The following PCBP4 variants were observed in gnomAD, a reference collection of about 807,000 sequenced individuals.
PCBP4 encodes poly(rC) binding protein 4.
A neutral mutation model predicts 46.2 loss-of-function variants in PCBP4; 24 were observed. The observed-to-expected ratio is 0.52, with a 90% CI of 0.38 to 0.73. The LOEUF is 0.73. Ranked by LOEUF, PCBP4 falls within the 30% of genes least tolerant of loss-of-function variation. PCBP4 has a pLI of 0.00. For synonymous variants in PCBP4, 203 were observed against 224.4 expected, an observed-to-expected ratio of 0.90 and a Z score of 0.85; for missense variants, 407 against 537.0, an observed-to-expected ratio of 0.76 and a Z score of 2.39.
rs1326543778 is a variant in PCBP4 at position 51,960,517 on chromosome 3, G to T, written c.255+9C>A. The T allele has an allele frequency of 3.7e-6, 6 of 1,605,208 alleles. No individual in the cohort carries two copies. The highest frequency in any genetic ancestry group is 5.1e-6 in the Non-Finnish European group (6 of 1,172,034). ...CACTCTTGGCGTCCTGCCCTGGCCA[G>T]CCACGGACCTCATCCAGTTTGAAAG... On this transcript the variant is annotated intron_variant, in intron 6 of 13. Transcript: ENST00000461554. The surrounding 1 kb of genome is among the most constrained non-coding windows in gnomAD (Gnocchi z 5.0).
chr3:51,958,316 C>A lies in PCBP4; in HGVS notation c.957G>T (p.Thr319=). ...GCAGGTCTGCGGGGGCCGAGCTGGG[C>A]GTCCCCCCAGAGGTAGACTTGGCCG... The part of the protein sequence containing the change: ...LETAKSTSGG[T]PSSAPADLPA... The change falls in exon 14 of 14, where the codon ACG becomes ACT. Residue 319 remains threonine, a synonymous_variant. Transcript: ENST00000461554. The surrounding 1 kb of genome is among the most constrained non-coding windows in gnomAD (Gnocchi z 5.4). 1 of 1,524,802 alleles carries A rather than the reference C, an allele frequency of 6.6e-7. No homozygotes were observed. Among genetic ancestry groups the A allele is most frequent in the Admixed American group, 2.2e-5 (1 of 45,414 alleles). 94.5% of individuals were successfully genotyped at this position (1,524,802 alleles called of 1,614,324 possible).
intron 1 of PCBP4, among the ~76,000 whole-genome samples, chr3:51,965,924 G>A (rs1234105085): frequency 6.6e-6 from 1 of 152,196 alleles, no homozygotes; most frequent in Non-Finnish European, 1.5e-5. Flanking sequence ...AGAAGGGCTG[G>A]GGGGTGGGGT....
In PCBP4 at chr3:51,960,570, C is replaced by G. The variant is rs760875971; in HGVS notation, c.211G>C (p.Ala71Pro). The change falls in exon 6 of 14, where the codon GCT becomes CCT. Residue 71 changes from alanine (A) to proline (P), a missense_variant. Ala to Pro is a conservative substitution (Grantham distance 27). Transcript: ENST00000461554. This position sits in a 1 kb window ranked among gnomAD's most constrained non-coding sequence, Gnocchi z 5.0. ...ATCATGGAGACTGCATGGAAGACAGCTGCTGTAGACCCGGTGATGGTGGTG... is the reference window on the plus strand; with the variant it reads ...ATCATGGAGACTGCATGGAAGACAGGTGCTGTAGACCCGGTGATGGTGGTG... Reference protein sequence around the residue: ...RITTITGSTAAVFHAVSMIAF... With the variant: ...RITTITGSTAPVFHAVSMIAF... 6.2e-7 allele frequency: 1 copy of G among 1,614,170 alleles called. No individual in the cohort carries two copies.
Position 51,959,480 on chromosome 3 carries a change from C to G in PCBP4, c.592-69G>C, listed in dbSNP as rs1700032769. The G allele has an allele frequency of 2.6e-6, 4 of 1,535,560 alleles. No homozygotes were observed. The highest frequency in any genetic ancestry group is 3.5e-6 in the Non-Finnish European group (4 of 1,133,778). On this transcript the variant is annotated intron_variant, in intron 9 of 13. Coordinates refer to ENST00000461554, the MANE Select transcript of PCBP4 (RefSeq NM_001174100.2). This position sits in a 1 kb window ranked among gnomAD's most constrained non-coding sequence, Gnocchi z 5.6. ...CAGTTCAGCCAGAGTCACTCCTTCCCCCGTCCCTGGACCTCCAATTCCTTC... is the reference window on the plus strand; with the variant it reads ...CAGTTCAGCCAGAGTCACTCCTTCCGCCGTCCCTGGACCTCCAATTCCTTC...
chr3:51,958,695 G>T lies in PCBP4; in HGVS notation c.923+95C>A. 7.1e-7 allele frequency: 1 copy of T among 1,407,998 alleles called. No individual in the cohort carries two copies. Among genetic ancestry groups the T allele is most frequent in the South Asian group, 1.3e-5 (1 of 76,476 alleles). The allele number at this position is 1,407,998 out of a possible 1,614,324, so 87.2% of individuals were successfully genotyped here. ...GAGAGGCAGAGGTCGGGCCCAGACA[G>T]AGAGAGGAGGCCAGCTTCCTCTCCC... is the stretch of plus-strand genomic sequence containing the variant. On this transcript the variant is annotated intron_variant, in intron 13 of 13. Transcript: ENST00000461554. The surrounding 1 kb of genome is among the most constrained non-coding windows in gnomAD (Gnocchi z 5.4).
Position 51,960,198 on chromosome 3 carries a change from C to A in PCBP4, c.378G>T (p.Glu126Asp). 6.2e-7 allele frequency: 1 copy of A among 1,614,142 alleles called. No individual in the cohort carries two copies. Among genetic ancestry groups the A allele is most frequent in the Non-Finnish European group, 8.5e-7 (1 of 1,180,040 alleles). Residue 126 changes from glutamate to aspartate, a missense_variant, in exon 7 of 14, where the codon GAG becomes GAT. Transcript: ENST00000461554. This position sits in a 1 kb window ranked among gnomAD's most constrained non-coding sequence, Gnocchi z 5.0. ...LIGKAGTKIK[E>D]IRETTGAQVQ... ...ATATCTCGCCCCTCACCTCTCGGAT[C>A]TCCTTGATCTTGGTGCCAGCCTTCC...
rs1475797538 is a variant in PCBP4 at position 51,958,199 on chromosome 3, G to A, written c.1074C>T (p.Ile358=). The part of the protein sequence containing the change: ...TPYAISLSNF[I]GLKPMPFLAL... ...CCAAGAAGGGCATGGGCTTGAGGCC[G>A]ATGAAGTTGGAGAGGGAGATGGCAT... Residue 358 remains isoleucine, a synonymous_variant, in exon 14 of 14, where the codon ATC becomes ATT. Transcript: ENST00000461554. The surrounding 1 kb of genome is among the most constrained non-coding windows in gnomAD (Gnocchi z 5.4). 6.2e-6 allele frequency: 10 copies of A among 1,613,076 alleles called. No homozygotes were observed. Among genetic ancestry groups the A allele is most frequent in the Admixed American group, 5.0e-5 (3 of 59,846 alleles).
intron 1 of PCBP4, chr3:51,963,218 G>C (rs1700263765): frequency 6.6e-6 from 1 of 152,254 alleles, no homozygotes; most frequent in Non-Finnish European, 1.5e-5. Flanking sequence ...AGGAGAACCT[G>C]ATGCCTGGAG....
intron 1 of PCBP4, among the ~76,000 whole-genome samples, 189 bp downstream of exon 1, chr3:51,967,137 G>A (rs1700473606): frequency 6.6e-6 from 1 of 152,028 alleles, no homozygotes; most frequent in African/African-American, 2.4e-5. Context: ...CCTCCCTGGT[G>A]CCAAGGGCGC....
chr3:51,965,602 T>A (rs908570204), intron 1 of PCBP4, among the ~76,000 whole-genome samples: 19 of 152,106 alleles, frequency 1.2e-4, no homozygotes, highest in African/African-American at 4.6e-4. Flanking sequence ...CCAGGGTCAG[T>A]GTGCAGGGAG....
At chr3:51,966,177 T>C (rs1577698425) in intron 1 of PCBP4, among the ~76,000 whole-genome samples, 1 of 151,842 alleles carries the variant, frequency 6.6e-6, no homozygotes, top group Non-Finnish European at 1.5e-5. Flanking sequence ...GTAGGGAGGG[T>C]GGACAGCCTG....
chr3:51,965,397 ACT>A (rs1700375365), intron 1 of PCBP4, among the ~76,000 whole-genome samples: 2 of 151,432 alleles, frequency 1.3e-5, no homozygotes, highest in African/African-American at 2.4e-5. Context: ...CATCCTCCCC[ACT>A]CTCTGTCAAA....
Position 51,959,796 on chromosome 3 carries a change from C to A in PCBP4, c.516+99G>T. 6.6e-7 allele frequency: 1 copy of A among 1,520,758 alleles called. No homozygotes were observed. Among genetic ancestry groups the A allele is most frequent in the Non-Finnish European group, 8.9e-7 (1 of 1,123,798 alleles). 94.2% of individuals were successfully genotyped at this position (1,520,758 alleles called of 1,614,324 possible). ...TCATCATCCATCCCTGCAGCCCTGC[C>A]CTGCCCCACCTGCAGCACAGGCATA... On this transcript the variant is annotated intron_variant, in intron 8 of 13. Transcript: ENST00000461554. The surrounding 1 kb of genome is among the most constrained non-coding windows in gnomAD (Gnocchi z 5.6).
intron 2 of PCBP4, 22 bp downstream of exon 2, chr3:51,961,919 A>T (rs1447611928): frequency 6.0e-6 from 1 of 166,978 alleles, no homozygotes; most frequent in African/African-American, 2.4e-5. Flanking sequence ...TGAGGGGGGA[A>T]TTGAGGCACA....
Position 51,961,250 on chromosome 3 carries a change from CG to C in PCBP4, c.-11del. The C allele has an allele frequency of 1.2e-6, 2 of 1,610,192 alleles. No homozygotes were observed. On this transcript the variant is annotated 5_prime_UTR_variant, in exon 3 of 14. Transcript: ENST00000461554. The stretch of plus-strand genomic sequence containing the variant: ...CGTCCGAGCCGCTCATTCTGTCAGG[CG>C]AGGCTGGGGCCACAGCGACCTGCGA...
In PCBP4 at chr3:51,958,717, TC is replaced by T; in HGVS notation, c.923+72del. 6.6e-7 allele frequency: 1 copy of T among 1,523,654 alleles called. No homozygotes were observed. Among genetic ancestry groups the T allele is most frequent in the Non-Finnish European group, 8.9e-7 (1 of 1,126,730 alleles). 94.4% of individuals were successfully genotyped at this position (1,523,654 alleles called of 1,614,324 possible). On this transcript the variant is annotated intron_variant, in intron 13 of 13. Transcript: ENST00000461554. The surrounding 1 kb of genome is among the most constrained non-coding windows in gnomAD (Gnocchi z 5.4). ...ACAGAGAGAGGAGGCCAGCTTCCTCTCCCCACCCCTGCCTTTCTTGGGCACA... is the reference window on the plus strand; with the variant it reads ...ACAGAGAGAGGAGGCCAGCTTCCTCTCCCACCCCTGCCTTTCTTGGGCACA...
In PCBP4 at chr3:51,959,494, T is replaced by G; in HGVS notation, c.591+83A>C. On this transcript the variant is annotated intron_variant, in intron 9 of 13. Transcript: ENST00000461554. This position sits in a 1 kb window ranked among gnomAD's most constrained non-coding sequence, Gnocchi z 5.6. Reference sequence around the variant, plus strand: ...TCACTCCTTCCCCCGTCCCTGGACCTCCAATTCCTTCTTCCATCCCCTCCT... The same window carrying G: ...TCACTCCTTCCCCCGTCCCTGGACCGCCAATTCCTTCTTCCATCCCCTCCT... 1 of 1,523,932 alleles carries G rather than the reference T, an allele frequency of 6.6e-7. No individual in the cohort carries two copies. The highest frequency in any genetic ancestry group is 2.4e-5 in the East Asian group (1 of 41,310). 94.4% of individuals were successfully genotyped at this position (1,523,932 alleles called of 1,614,324 possible).
At chr3:51,963,396 C>T (rs1333461488) in intron 1 of PCBP4, 2 of 152,184 alleles carry the variant, frequency 1.3e-5, no homozygotes, top group Non-Finnish European at 2.9e-5. Context: ...GGGGATTGGG[C>T]TTCAGTCGTC....
intron 1 of PCBP4, among the ~76,000 whole-genome samples, chr3:51,966,006 G>A (rs189154109): frequency 1.3e-5 from 2 of 152,204 alleles, no homozygotes; most frequent in African/African-American, 2.4e-5. Flanking sequence ...AGAGGGGCTC[G>A]CGGCCCAGAG....
Sources: allele counts gnomAD v4.1 joint callset (sites outside exome capture counted in the v4.1 genomes callset), GRCh38; gene constraint gnomAD v4.1.1; non-coding constraint Gnocchi (gnomAD v3.1); transcripts MANE v1.5; gene names NCBI Gene and HGNC (gene_info 2026-07-23, HGNC 2026-07-21).